Variants in STOX2 observed in about 807,000 individuals in gnomAD.
STOX2 encodes storkhead-box protein 2.
STOX2 carries 28 observed loss-of-function variants against 60.9 expected under a neutral mutation model. The ratio of observed to expected loss-of-function variants is 0.46; its 90% CI spans 0.34 to 0.63. The LOEUF is 0.63. Among genes scored for constraint, STOX2 ranks in the 30% least tolerant of loss-of-function variants. The pLI, the probability that STOX2 is intolerant of heterozygous loss-of-function variation, is 0.01. For synonymous variants in STOX2, 472 were observed against 463.9 expected (o/e 1.02, Z -0.22); for missense variants, 1,024 against 1,187.7 (o/e 0.86, Z 2.03).
At chr4:183,949,672 T>G (rs1481015615) in intron 1 of STOX2, among the ~76,000 whole-genome samples, 1 of 152,222 alleles carries the variant, frequency 6.6e-6, no homozygotes, top group Non-Finnish European at 1.5e-5. Flanking sequence ...TACTCCAGCC[T>G]GGGCGACAGG....
intron 1 of STOX2, among the ~76,000 whole-genome samples, chr4:183,968,077 G>A (rs1368513252): frequency 6.6e-6 from 1 of 152,140 alleles, no homozygotes; most frequent in East Asian, 1.9e-4. Flanking sequence ...ACATCACAAA[G>A]GGAGTTGGGG....
intron 1 of STOX2, among the ~76,000 whole-genome samples, chr4:183,826,214 A>G (rs1458484768): frequency 6.6e-6 from 1 of 152,150 alleles, no homozygotes; most frequent in African/African-American, 2.4e-5. Context: ...CTCAGCTGCC[A>G]GGTTCCATCT....
In STOX2 at chr4:183,861,075, GA is replaced by G; in HGVS notation, c.364+63027del. 1.3e-5 allele frequency among the ~76,000 whole-genome samples: 2 copies of G among 152,212 alleles called. 1 individual carries two copies. The highest frequency in any genetic ancestry group is 4.2e-4 in the South Asian group (2 of 4,814). On this transcript the variant is annotated intron_variant, in intron 1 of 2. Transcript: ENST00000513034. ...TCCAACCATGCAAGTAGCTGTTTGGGAAAAAAATTATCAAAGTGCATTTTCT... is the reference window on the plus strand; with the variant it reads ...TCCAACCATGCAAGTAGCTGTTTGGGAAAAAATTATCAAAGTGCATTTTCT...
At chr4:183,991,131 A>G (rs745402881) in intron 1 of STOX2, among the ~76,000 whole-genome samples, 3 of 152,080 alleles carry the variant, frequency 2.0e-5, no homozygotes, top group Non-Finnish European at 4.4e-5. Context: ...GTAATTCTCT[A>G]TCCACACTAT....
intron 1 of STOX2, among the ~76,000 whole-genome samples, chr4:183,975,436 A>T (rs1204952782): frequency 2.6e-5 from 4 of 152,200 alleles, no homozygotes; most frequent in African/African-American, 7.2e-5. Flanking sequence ...ATAAACCTCT[A>T]GCCAGATTGA....
At chr4:183,818,350 C>T (rs187418549) in intron 1 of STOX2, among the ~76,000 whole-genome samples, 35 of 152,156 alleles carry the variant, frequency 2.3e-4, no homozygotes, top group African/African-American at 6.5e-4. Flanking sequence ...CATCTTGCAC[C>T]GCCCTTAATC....
rs1733271919 is a variant in STOX2, at chr4:183,995,082, A to ATAGTTTTATGTTGGCTTTTG, written c.167-6239_167-6220dup. On this transcript the variant is annotated intron_variant, in intron 1 of 3. Transcript: ENST00000308497. ...GATGGGTACTTTAAGATGAAATGAC[A>ATAGTTTTATGTTGGCTTTTG]TAGTTTTATGTTGGCTTTTGTAGCA... 3.3e-5 allele frequency among the ~76,000 whole-genome samples: 5 copies of ATAGTTTTATGTTGGCTTTTG among 152,248 alleles called. No homozygotes were observed. The South Asian group carries it at 1.0e-3, about 32-fold the overall frequency.
At chr4:183,995,443 A>T (rs758294278) in intron 1 of STOX2, among the ~76,000 whole-genome samples, 58 of 151,750 alleles carry the variant, frequency 3.8e-4, no homozygotes, top group Non-Finnish European at 7.1e-4. Flanking sequence ...AGTTTTTTTT[A>T]AAATAACTCC....
chr4:183,912,716 G>A (rs144279724), intron 1 of STOX2, among the ~76,000 whole-genome samples: 59 of 152,284 alleles, frequency 3.9e-4, no homozygotes, highest in Admixed American at 1.1e-3. Flanking sequence ...AATCCTCACT[G>A]ATAGTACCTG....
chr4:183,902,379 T>C (rs961206033), upstream of STOX2, among the ~76,000 whole-genome samples: 3 of 152,228 alleles, frequency 2.0e-5, no homozygotes, highest in Admixed American at 1.3e-4. Context: ...CTAATCTGTC[T>C]GATATGAAAA....
chr4:183,948,879 T>G (rs1038360697), intron 1 of STOX2, among the ~76,000 whole-genome samples: 1 of 152,162 alleles, frequency 6.6e-6, no homozygotes, highest in East Asian at 1.9e-4. Flanking sequence ...ACCAGGTTGC[T>G]ATTATGATTA....
At chr4:183,912,567 C>T (rs1295868200) in intron 1 of STOX2, among the ~76,000 whole-genome samples, 1 of 152,226 alleles carries the variant, frequency 6.6e-6, no homozygotes, top group Non-Finnish European at 1.5e-5. Flanking sequence ...ATGCCCCCTT[C>T]TCTTGCATCG....
intron 1 of STOX2, among the ~76,000 whole-genome samples, chr4:183,807,380 GC>G (rs34432529): frequency 0.6 from 91,962 of 152,046 alleles, 28,631 homozygotes; most frequent in East Asian, 0.8. Flanking sequence ...CAGTCCCCAG[GC>G]CCTTCTGGTG....
At chr4:183,876,945 C>T (rs967136208) in intron 1 of STOX2, among the ~76,000 whole-genome samples, 3 of 152,268 alleles carry the variant, frequency 2.0e-5, no homozygotes, top group African/African-American at 4.8e-5. Flanking sequence ...ATGGCCGTGC[C>T]GTTCAGTCTT....
upstream of STOX2, among the ~76,000 whole-genome samples, chr4:183,903,199 G>A (rs13130260): frequency 0.29 from 44,648 of 151,984 alleles, 6,809 homozygotes; most frequent in East Asian, 0.46. Flanking sequence ...TGCAAGTTCC[G>A]GCATGATCTG....
At chr4:183,876,252 A>G (rs901731534) in intron 1 of STOX2, among the ~76,000 whole-genome samples, 2 of 152,176 alleles carry the variant, frequency 1.3e-5, no homozygotes, top group African/African-American at 4.8e-5. Flanking sequence ...CTGATGCATT[A>G]CCCCTGACTT....
In STOX2 at chr4:183,856,512, C is replaced by G. The variant is rs1740288925; in HGVS notation, c.364+58457C>G. Among the ~76,000 whole-genome samples the G allele has an allele frequency of 6.6e-6, 1 of 152,086 alleles. No individual in the cohort carries two copies. Among genetic ancestry groups the G allele is most frequent in the Non-Finnish European group, 1.5e-5 (1 of 67,988 alleles). ...TATTTCCACCTTCCCTCAGCAGTCT[C>G]CATCCAAACTGAAGGGCAGTTCAGG... On this transcript the variant is annotated intron_variant, in intron 1 of 2. Transcript: ENST00000513034. This position sits in a 1 kb window ranked among gnomAD's most constrained non-coding sequence, Gnocchi z 4.0.
intron 1 of STOX2, among the ~76,000 whole-genome samples, chr4:183,965,853 G>A (rs1393742534): frequency 4.6e-5 from 7 of 152,092 alleles, no homozygotes; most frequent in Admixed American, 1.3e-4. Context: ...TATGAGGGAA[G>A]GGGGTGGTTA....
At chr4:183,995,180 G>A (rs1733275738) in intron 1 of STOX2, among the ~76,000 whole-genome samples, 2 of 152,138 alleles carry the variant, frequency 1.3e-5, no homozygotes, top group South Asian at 4.2e-4. Context: ...TCATATCCCA[G>A]GAGCGGTGCT....
Sources: allele counts gnomAD v4.1 joint callset (sites outside exome capture counted in the v4.1 genomes callset), GRCh38; gene constraint gnomAD v4.1.1; non-coding constraint Gnocchi (gnomAD v3.1); transcripts MANE v1.5; gene names NCBI Gene and HGNC (gene_info 2026-07-23, HGNC 2026-07-21).